The following B4GALNT3 variants were observed in gnomAD, a reference collection of about 807,000 sequenced individuals.
The protein encoded by B4GALNT3 is beta-1,4-N-acetylgalactosaminyltransferase 3.
A neutral mutation model predicts 120.2 loss-of-function variants in B4GALNT3; 86 were observed. The observed-to-expected ratio is 0.72, with a 90% CI of 0.60 to 0.86. The LOEUF (loss-of-function observed/expected upper bound fraction) is 0.86, where lower values mean the gene tolerates loss of function less well. Among genes scored for constraint, B4GALNT3 ranks in the 40% least tolerant of loss-of-function variants. The pLI, the probability that B4GALNT3 is intolerant of heterozygous loss-of-function variation, is 0.00. For missense variants in B4GALNT3, 1,167 were observed against 1,298.9 expected, an observed-to-expected ratio of 0.90 and a Z score of 1.56; for synonymous variants, 518 against 510.4, an observed-to-expected ratio of 1.01 and a Z score of -0.20.
chr12:475,620 C>G (rs1193042400), intron 1 of B4GALNT3, among the ~76,000 whole-genome samples: 1 of 152,124 alleles, frequency 6.6e-6, no homozygotes, highest in Non-Finnish European at 1.5e-5. Context: ...GCTTGTCTTT[C>G]AAAACTCTGC....
intron 1 of B4GALNT3, among the ~76,000 whole-genome samples, chr12:513,133 C>G (rs1378676959): frequency 6.7e-6 from 1 of 148,746 alleles, no homozygotes; most frequent in African/African-American, 2.5e-5. Context: ...TTCCGCCTTC[C>G]ACCTTCCACC....
intron 14 of B4GALNT3, among the ~76,000 whole-genome samples, chr12:554,745 G>C (rs1220483731): frequency 8.7e-6 from 1 of 115,406 alleles, no homozygotes; most frequent in Non-Finnish European, 1.6e-5. Flanking sequence ...AGCTGAGATT[G>C]CGCCACTGCA....
At chr12:471,587 A>G (rs1438120408) in intron 1 of B4GALNT3, among the ~76,000 whole-genome samples, 1 of 151,534 alleles carries the variant, frequency 6.6e-6, no homozygotes, top group Non-Finnish European at 1.5e-5. Flanking sequence ...CATGCCTGTA[A>G]TCTCAGCTAC....
rs1947112544 is a variant in B4GALNT3, at chr12:553,761, A to G, written c.1838A>G (p.Glu613Gly). 6.2e-7 allele frequency: 1 copy of G among 1,614,048 alleles called. No individual in the cohort carries two copies. The highest frequency in any genetic ancestry group is 1.3e-5 in the African/African-American group (1 of 74,922). Residue 613 changes from glutamate to glycine, a missense_variant, in exon 14 of 20, where the codon GAG becomes GGG. Glu to Gly is a moderately conservative substitution (Grantham distance 98, BLOSUM62 -2). Coordinates refer to ENST00000266383, the MANE Select transcript of B4GALNT3 (RefSeq NM_173593.4). Reference sequence around the variant, plus strand: ...GGAGAGGAAGAGGGGGAAGAAGAGGAGGAGGAAGAGGATATGAGTGAGGTG... The same window carrying G: ...GGAGAGGAAGAGGGGGAAGAAGAGGGGGAGGAAGAGGATATGAGTGAGGTG... ...VEGEEEGEEE[E>G]EEEDMSEVFE...
chr12:560,691 C>T (rs1398603004), intron 19 of B4GALNT3, among the ~76,000 whole-genome samples: 4 of 152,212 alleles, frequency 2.6e-5, no homozygotes, highest in African/African-American at 9.6e-5. Flanking sequence ...CCGGGTCCAG[C>T]AGTCACCTCC....
chr12:479,940 G>A (rs1592014425), intron 1 of B4GALNT3, among the ~76,000 whole-genome samples: 7 of 120,456 alleles, frequency 5.8e-5, no homozygotes. Context: ...TTGAGATGGA[G>A]TCTCGCTCTG....
intron 3 of B4GALNT3, among the ~76,000 whole-genome samples, chr12:537,897 T>C (rs182422156): frequency 1.6e-3 from 241 of 152,260 alleles, no homozygotes; most frequent in Admixed American, 2.4e-3. Context: ...GAGGCAGTAT[T>C]GTACTGAATG....
chr12:464,034 C>T (rs888586970), intron 1 of B4GALNT3, among the ~76,000 whole-genome samples: 5 of 152,142 alleles, frequency 3.3e-5, no homozygotes, highest in East Asian at 3.9e-4. Context: ...AGGGTCCTGA[C>T]GAGTCCCCTT....
intron 9 of B4GALNT3, 48 bp from the exon 10 acceptor site, chr12:549,721 G>C (rs767930562): frequency 1.6e-5 from 25 of 1,611,476 alleles, no homozygotes; most frequent in Non-Finnish European, 2.0e-5. Context: ...GTGGGCTGCT[G>C]CGCTCCAGGC....
chr12:520,086 C>T (rs532382693), intron 1 of B4GALNT3, among the ~76,000 whole-genome samples: 11 of 152,104 alleles, frequency 7.2e-5, no homozygotes, highest in South Asian at 2.1e-4. Context: ...AGACCTGGAT[C>T]GACGCGCTGG....
intron 13 of B4GALNT3, 49 bp downstream of exon 13, chr12:552,577 A>C (rs1947098137): frequency 1.3e-6 from 2 of 1,574,914 alleles, no homozygotes; most frequent in East Asian, 4.5e-5. Flanking sequence ...AGGGGCGACC[A>C]TGGTCTGTTT....
intron 1 of B4GALNT3, among the ~76,000 whole-genome samples, chr12:515,490 C>T (rs1946644166): frequency 1.3e-5 from 2 of 152,264 alleles, no homozygotes; most frequent in South Asian, 4.1e-4. Flanking sequence ...AGCCACCGCA[C>T]CCAGCCTCAA....
At chr12:513,975 A>G (rs1179615970) in intron 1 of B4GALNT3, among the ~76,000 whole-genome samples, 1 of 152,166 alleles carries the variant, frequency 6.6e-6, no homozygotes, top group Middle Eastern at 3.2e-3. Flanking sequence ...GGACATTTGC[A>G]TTGTTTCCGC....
intron 3 of B4GALNT3, among the ~76,000 whole-genome samples, chr12:543,618 G>A (rs1156432585): frequency 2.1e-5 from 2 of 94,796 alleles, no homozygotes; most frequent in Admixed American, 1.9e-4. Context: ...GAGCTGGGGC[G>A]GGCATGGGGT....
At chr12:526,594 C>T (rs139705986) in intron 1 of B4GALNT3, among the ~76,000 whole-genome samples, 15 of 152,298 alleles carry the variant, frequency 9.8e-5, no homozygotes, top group African/African-American at 3.6e-4. Flanking sequence ...AGTCAAAATT[C>T]CCCTTCACAG....
intron 7 of B4GALNT3, among the ~76,000 whole-genome samples, chr12:547,731 A>T (rs1479054590): frequency 6.6e-6 from 1 of 152,084 alleles, no homozygotes; most frequent in Non-Finnish European, 1.5e-5. Flanking sequence ...AGCATTTAGA[A>T]CAGTGTCTGC....
chr12:468,532 A>G (rs1459150130), intron 1 of B4GALNT3, among the ~76,000 whole-genome samples: 1 of 152,196 alleles, frequency 6.6e-6, no homozygotes, highest in Non-Finnish European at 1.5e-5. Context: ...AATTGGAGGC[A>G]TCCTTGACAC....
At chr12:524,896 T>C (rs1040213988) in intron 1 of B4GALNT3, among the ~76,000 whole-genome samples, 1 of 152,182 alleles carries the variant, frequency 6.6e-6, no homozygotes, top group Admixed American at 6.5e-5. Context: ...GTTTGTCCTC[T>C]GTTAAATGCA....
chr12:557,660 G>A lies in B4GALNT3; in HGVS notation c.2433G>A (p.Leu811=), dbSNP rs1369700829. The part of the protein sequence containing the change: ...VQQFIKDMEN[L]FQVTGDPHFN... ...AATTCATCAAAGACATGGAAAACCT[G>A]TTCCAGGTCACCGGTGACCCACACT... The change falls in exon 16 of 20, where the codon CTG becomes CTA. Residue 811 remains leucine (L), a synonymous_variant. Coordinates refer to ENST00000266383, the MANE Select transcript of B4GALNT3 (RefSeq NM_173593.4). 8 of 1,611,504 alleles carry A rather than the reference G, an allele frequency of 5.0e-6. No homozygotes were observed. The highest frequency in any genetic ancestry group is 5.9e-6 in the Non-Finnish European group (7 of 1,179,234).
Sources: gnomAD v4.1 joint callset for allele counts (sites outside exome capture counted in the v4.1 genomes callset) on GRCh38, gnomAD v4.1.1 for gene constraint, MANE v1.5 for transcripts, NCBI Gene and HGNC (gene_info 2026-07-23, HGNC 2026-07-21) for gene names.